DNAI3: variants seen among roughly 807,000 people sequenced by gnomAD.
The protein encoded by DNAI3 is WD repeat domain 63.
In DNAI3, 83 loss-of-function variants were observed where a neutral mutation model predicts 115.5. The observed-to-expected ratio is 0.72, with a 90% confidence interval of 0.60 to 0.86. DNAI3 has a LOEUF of 0.86. Among genes scored for constraint, DNAI3 ranks in the 40% least tolerant of loss-of-function variants. DNAI3 has a pLI of 0.00. For missense variants in DNAI3, 1,004 were observed against 1,075.8 expected, an observed-to-expected ratio of 0.93 and a Z score of 0.93; for synonymous variants, 320 against 347.0, an observed-to-expected ratio of 0.92 and a Z score of 0.86.
chr1:85,113,245 T>C (rs1407232137), intron 16 of DNAI3, among the ~76,000 whole-genome samples: 3 of 152,246 alleles, frequency 2.0e-5, no homozygotes, highest in Non-Finnish European at 4.4e-5. Flanking sequence ...AAGTCCAGCT[T>C]ATCAATTTAT....
chr1:85,086,779 G>A (rs1654811653), intron 7 of DNAI3, among the ~76,000 whole-genome samples: 1 of 151,810 alleles, frequency 6.6e-6, no homozygotes, highest in South Asian at 2.1e-4. Flanking sequence ...TTCTAAGTGG[G>A]CTTCCTCTAG....
At chr1:85,064,062 A>G (rs1437452831) in intron 1 of DNAI3, among the ~76,000 whole-genome samples, 1 of 152,234 alleles carries the variant, frequency 6.6e-6, no homozygotes, top group Non-Finnish European at 1.5e-5. Context: ...ACGTGTTAAT[A>G]AAGTACAAAT....
chr1:85,096,220 A>T (rs1655119033), intron 11 of DNAI3, among the ~76,000 whole-genome samples, 200 bp downstream of exon 11: 1 of 152,150 alleles, frequency 6.6e-6, no homozygotes, highest in African/African-American at 2.4e-5. Flanking sequence ...TCACGGGGTA[A>T]CCCAGCTTCA....
chr1:85,081,668 T>C (rs562956876), intron 4 of DNAI3, among the ~76,000 whole-genome samples: 1 of 152,300 alleles, frequency 6.6e-6, no homozygotes, highest in Admixed American at 6.5e-5. Flanking sequence ...TTGTTTTGTT[T>C]TTTGAGGCAG....
At position 85,109,924 on chromosome 1, in the gene DNAI3, A is replaced by G. The variant is rs1302565332; in HGVS notation, c.1699-124A>G. 7.2e-6 allele frequency: 6 copies of G among 831,108 alleles called. No individual in the cohort carries two copies. In the African/African-American group the frequency reaches 8.6e-5, roughly 12 times the overall value. 51.5% of individuals were successfully genotyped at this position (831,108 alleles called of 1,614,324 possible). ...CTAGAAATTTGAGGGAGGAAAGGGA[A>G]GGAAGAAAAAAAAGGAGGTGGGTTT... On this transcript the variant is annotated intron_variant, in intron 15 of 22. Coordinates refer to ENST00000294664, the MANE Select transcript of DNAI3 (RefSeq NM_145172.5).
chr1:85,113,232 A>G (rs1407977748), intron 16 of DNAI3, among the ~76,000 whole-genome samples: 1 of 152,176 alleles, frequency 6.6e-6, no homozygotes, highest in African/African-American at 2.4e-5. Context: ...TTTAATTTTG[A>G]GGAAGTCCAG....
intron 16 of DNAI3, among the ~76,000 whole-genome samples, chr1:85,113,378 G>C (rs984523392): frequency 6.6e-6 from 1 of 152,088 alleles, no homozygotes; most frequent in Non-Finnish European, 1.5e-5. Context: ...GATTTCTTTT[G>C]AGTTAATTTT....
Position 85,128,753 on chromosome 1 carries a change from A to G in DNAI3, c.2363A>G (p.His788Arg), listed in dbSNP as rs1245156333. The G allele has an allele frequency of 1.9e-6, 3 of 1,612,918 alleles. No homozygotes were observed. Among genetic ancestry groups the G allele is most frequent in the Non-Finnish European group, 2.5e-6 (3 of 1,179,806 alleles). Residue 788 changes from histidine (H) to arginine (R), a missense_variant, in exon 21 of 23, where the codon CAT becomes CGT. Transcript: ENST00000294664. ...ACAGCTGATTATTATGGAACACTGC[A>G]TATATTAGAAATTCCTTGGACATTA... is the stretch of plus-strand genomic sequence containing the variant. ...IATADYYGTL[H>R]ILEIPWTLSR...
At chr1:85,121,879 T>A in intron 18 of DNAI3, 65 bp downstream of exon 18, 2 of 1,545,672 alleles carry the variant, frequency 1.3e-6, no homozygotes, top group Non-Finnish European at 1.8e-6. Context: ...CCCAAAGGAA[T>A]CTCATGCAGT....
intron 8 of DNAI3, among the ~76,000 whole-genome samples, chr1:85,091,713 T>C (rs1046620130): frequency 3.3e-5 from 5 of 152,094 alleles, no homozygotes; most frequent in African/African-American, 1.2e-4. Flanking sequence ...AGAGAGGAAC[T>C]TCAGGGGGAT....
intron 3 of DNAI3, among the ~76,000 whole-genome samples, chr1:85,079,854 C>CTG (rs1654575990): frequency 6.6e-6 from 1 of 151,890 alleles, no homozygotes; most frequent in Non-Finnish European, 1.5e-5. Flanking sequence ...GACTGGCAGC[C>CTG]AGATGGGAGG....
rs5775817 is a variant in DNAI3, at chr1:85,077,875, T to TA, written c.104-3347dup. 7.0e-3 allele frequency among the ~76,000 whole-genome samples: 1,032 copies of TA among 146,886 alleles called. 11 individuals carry two copies. The highest frequency in any genetic ancestry group is 0.023 in the Admixed American group (341 of 14,784). On this transcript the variant is annotated intron_variant, in intron 3 of 22. Transcript: ENST00000294664. ...AAAAACTAGATAGCAACCAAAATGT[T>TA]AAAAAAAAAAAAGAATGTACAATTG...
chr1:85,097,834 G>C (rs904956250), intron 12 of DNAI3, among the ~76,000 whole-genome samples, 179 bp downstream of exon 12: 10 of 151,978 alleles, frequency 6.6e-5, no homozygotes, highest in African/African-American at 2.4e-4. Context: ...CTTTTATGTG[G>C]GCCCTTGATT....
At chr1:85,095,211 T>C (rs1655089412) in intron 10 of DNAI3, among the ~76,000 whole-genome samples, 1 of 152,202 alleles carries the variant, frequency 6.6e-6, no homozygotes, top group African/African-American at 2.4e-5. Context: ...CAATAAGAGA[T>C]CTGCCTAGTG....
At chr1:85,074,989 A>G (rs757386346) in intron 3 of DNAI3, among the ~76,000 whole-genome samples, 30 of 152,158 alleles carry the variant, frequency 2.0e-4, no homozygotes, top group Non-Finnish European at 3.5e-4. Flanking sequence ...TCTTAGTTCC[A>G]TCTCTCATCC....
At chr1:85,076,840 C>T (rs1334327242) in intron 3 of DNAI3, among the ~76,000 whole-genome samples, 1 of 152,094 alleles carries the variant, frequency 6.6e-6, no homozygotes, top group African/African-American at 2.4e-5. Flanking sequence ...TTCTGTTTGC[C>T]AGAAGTGGTT....
intron 1 of DNAI3, among the ~76,000 whole-genome samples, chr1:85,067,277 T>C (rs1485943928): frequency 6.6e-6 from 1 of 152,218 alleles, no homozygotes; most frequent in Non-Finnish European, 1.5e-5. Flanking sequence ...ACTCTGCCCT[T>C]AGTCACTAGT....
At chr1:85,069,034 G>A (rs1654186037) in intron 1 of DNAI3, among the ~76,000 whole-genome samples, 1 of 152,226 alleles carries the variant, frequency 6.6e-6, no homozygotes, top group Non-Finnish European at 1.5e-5. Context: ...AGCATGAGAA[G>A]AAATAAATGT....
chr1:85,070,419 G>A (rs952619017), intron 1 of DNAI3, among the ~76,000 whole-genome samples: 2 of 152,076 alleles, frequency 1.3e-5, no homozygotes, highest in South Asian at 2.1e-4. Flanking sequence ...GGCTGCTTGG[G>A]CTCACAGCCT....
Sources: gnomAD v4.1 joint callset for allele counts (sites outside exome capture counted in the v4.1 genomes callset) on GRCh38, gnomAD v4.1.1 for gene constraint, MANE v1.5 for transcripts, NCBI Gene and HGNC (gene_info 2026-07-23, HGNC 2026-07-21) for gene names.